PDE4D: variants seen among roughly 807,000 people sequenced by gnomAD.
PDE4D encodes the protein phosphodiesterase 4D.
PDE4D carries 24 observed loss-of-function variants against 87.4 expected under a neutral mutation model. The observed-to-expected ratio is 0.27, with a 90% CI of 0.20 to 0.39. The LOEUF is 0.39. PDE4D is among the 10% of genes least tolerant of loss of function. The pLI is 1.00. For missense variants in PDE4D, 714 were observed against 1,041.0 expected (o/e 0.69, Z 4.32); for synonymous variants, 384 against 383.2 (o/e 1.00, Z -0.02).
At chr5:60,100,277 T>C (rs1776086882) in intron 2 of PDE4D, among the ~76,000 whole-genome samples, 1 of 152,068 alleles carries the variant, frequency 6.6e-6, no homozygotes, top group East Asian at 1.9e-4. Context: ...ATGACACTAA[T>C]AAATATAATT....
chr5:59,696,208 T>A (rs141031585), intron 1 of PDE4D, among the ~76,000 whole-genome samples: 125 of 152,238 alleles, frequency 8.2e-4, no homozygotes, highest in African/African-American at 2.8e-3. Flanking sequence ...TGAAAGTAAA[T>A]AATATGAGAT....
In PDE4D at chr5:59,023,442, G is replaced by A. The variant is rs1160657589; in HGVS notation, c.921+15417C>T. ...GCCCAGGAGTTTGAGACCAGCCTGGGTAACATAGTGAGACCCTGTCTCTAC... is the reference window on the plus strand; with the variant it reads ...GCCCAGGAGTTTGAGACCAGCCTGGATAACATAGTGAGACCCTGTCTCTAC... On this transcript the variant is annotated intron_variant, in intron 6 of 14. Transcript: ENST00000340635. 1.4e-5 allele frequency among the ~76,000 whole-genome samples: 2 copies of A among 147,962 alleles called. 1 individual carries two copies. Among genetic ancestry groups the A allele is most frequent in the African/African-American group, 5.0e-5 (2 of 39,940 alleles).
chr5:59,202,945 CTGTT>C (rs769265236), intron 2 of PDE4D, among the ~76,000 whole-genome samples: 2 of 152,202 alleles, frequency 1.3e-5, no homozygotes, highest in Non-Finnish European at 2.9e-5. Flanking sequence ...GAAATTTAAA[CTGTT>C]TGCTCACATC....
At chr5:59,371,649 T>C (rs953198016) in intron 1 of PDE4D, among the ~76,000 whole-genome samples, 8 of 152,192 alleles carry the variant, frequency 5.3e-5, no homozygotes, top group African/African-American at 1.7e-4. Context: ...CTACTATAGA[T>C]ATGAAAAGCT....
chr5:60,172,682 A>G (rs543031196), intron 2 of PDE4D, among the ~76,000 whole-genome samples: 1 of 152,276 alleles, frequency 6.6e-6, no homozygotes, highest in South Asian at 2.1e-4. Context: ...GAACTCATTC[A>G]TTCTAAAGAG....
At chr5:60,510,727 T>C (rs1224967565) in intron 1 of PDE4D, among the ~76,000 whole-genome samples, 1 of 152,208 alleles carries the variant, frequency 6.6e-6, no homozygotes, top group Non-Finnish European at 1.5e-5. Flanking sequence ...GATGATGGCA[T>C]GATTTTGTTT....
chr5:60,026,504 C>G (rs1766633974), intron 2 of PDE4D, among the ~76,000 whole-genome samples: 1 of 152,080 alleles, frequency 6.6e-6, no homozygotes, highest in South Asian at 2.1e-4. Flanking sequence ...AACACCAAGA[C>G]AAGAAAAAGT....
chr5:60,325,490 C>A (rs770360554), intron 1 of PDE4D, among the ~76,000 whole-genome samples: 1 of 152,130 alleles, frequency 6.6e-6, no homozygotes, highest in Non-Finnish European at 1.5e-5. Flanking sequence ...AGGCAGTGGC[C>A]TTCCTTTAAT....
Position 60,166,127 on chromosome 5 carries a change from C to G in PDE4D, c.42+19430G>C, listed in dbSNP as rs150025927. 8.1e-3 allele frequency among the ~76,000 whole-genome samples: 1,227 copies of G among 152,234 alleles called. 14 individuals are homozygous for G. The highest frequency in any genetic ancestry group is 0.028 in the African/African-American group (1,170 of 41,538). The stretch of plus-strand genomic sequence containing the variant: ...TTTATTTATTTGAGACTGAGTCTTG[C>G]TCTGTCGCCCAGGCTGGAGTGCAGT... On this transcript the variant is annotated intron_variant, in intron 2 of 16. Coordinates refer to the PDE4D transcript ENST00000502484.
chr5:59,876,052 GCC>G (rs1439275265), intron 1 of PDE4D, among the ~76,000 whole-genome samples: 1 of 152,028 alleles, frequency 6.6e-6, no homozygotes, highest in Non-Finnish European at 1.5e-5. Flanking sequence ...GCTACAACAA[GCC>G]CCCATGACAC....
intron 1 of PDE4D, among the ~76,000 whole-genome samples, chr5:59,824,640 C>T (rs1770104670): frequency 1.3e-5 from 2 of 152,176 alleles, no homozygotes; most frequent in Non-Finnish European, 2.9e-5. Flanking sequence ...TGGATGACGA[C>T]AAGTACTTAT....
chr5:60,064,095 C>T (rs563750373), intron 2 of PDE4D, among the ~76,000 whole-genome samples: 13 of 152,022 alleles, frequency 8.6e-5, no homozygotes, highest in Non-Finnish European at 1.9e-4. Context: ...TTTCTCTTTG[C>T]ATCTTTCTTT....
chr5:59,275,463 G>A (rs1764621722), intron 1 of PDE4D: 6 of 1,564,120 alleles, frequency 3.8e-6, no homozygotes, highest in East Asian at 2.3e-5. Context: ...CATTCTAACT[G>A]TCTTTCTGCA....
At chr5:59,406,242 TA>T (rs1791593840) in intron 1 of PDE4D, among the ~76,000 whole-genome samples, 1 of 152,220 alleles carries the variant, frequency 6.6e-6, no homozygotes, top group Non-Finnish European at 1.5e-5. Flanking sequence ...TCGTCATGGT[TA>T]AATCTTGGTA....
chr5:59,262,757 C>T (rs1213541552), intron 1 of PDE4D, among the ~76,000 whole-genome samples: 1 of 151,836 alleles, frequency 6.6e-6, no homozygotes, highest in African/African-American at 2.4e-5. Flanking sequence ...GATTTCTTGG[C>T]TTCATATAAA....
chr5:59,272,115 C>T (rs1483126972), intron 1 of PDE4D, among the ~76,000 whole-genome samples: 1 of 151,966 alleles, frequency 6.6e-6, no homozygotes, highest in African/African-American at 2.4e-5. Context: ...ATATTTTGAA[C>T]AGTAGCATCT....
chr5:60,271,304 A>G (rs1750785679), intron 1 of PDE4D, among the ~76,000 whole-genome samples: 1 of 152,178 alleles, frequency 6.6e-6, no homozygotes, highest in Non-Finnish European at 1.5e-5. Context: ...TTTTGCCATT[A>G]TAAACAATGC....
chr5:59,707,874 G>A (rs1753673937), intron 1 of PDE4D, among the ~76,000 whole-genome samples: 1 of 152,246 alleles, frequency 6.6e-6, no homozygotes, highest in South Asian at 2.1e-4. Flanking sequence ...GGGCATTTGG[G>A]TTGATTCCAT....
intron 1 of PDE4D, among the ~76,000 whole-genome samples, chr5:60,343,718 G>A (rs1758504672): frequency 6.6e-6 from 1 of 151,986 alleles, no homozygotes; most frequent in African/African-American, 2.4e-5. Context: ...TCGGTGCCTT[G>A]AGCAGAATCT....
Sources: allele counts gnomAD v4.1 joint callset (sites outside exome capture counted in the v4.1 genomes callset), GRCh38; gene constraint gnomAD v4.1.1; transcripts MANE v1.5; gene names NCBI Gene and HGNC (gene_info 2026-07-23, HGNC 2026-07-21).